Variants in FAM107B observed in about 807,000 individuals in gnomAD.
The protein encoded by FAM107B is family with sequence similarity 107 member B.
A neutral mutation model predicts 31.5 loss-of-function variants in FAM107B; 21 were observed. The ratio of observed to expected loss-of-function variants is 0.67; its 90% CI spans 0.47 to 0.96. FAM107B has a LOEUF of 0.96. FAM107B is among the 40% of genes least tolerant of loss of function. FAM107B has a pLI of 0.00. For synonymous variants in FAM107B, 157 were observed against 141.5 expected (o/e 1.11, Z -0.78); for missense variants, 452 against 377.1 (o/e 1.20, Z -1.64).
At chr10:14,606,833 C>G (rs117150127) in intron 2 of FAM107B, among the ~76,000 whole-genome samples, 1 of 152,170 alleles carries the variant, frequency 6.6e-6, no homozygotes, top group Admixed American at 6.5e-5. Context: ...AGAAACCAAC[C>G]CTACTGCCAT....
intron 2 of FAM107B, among the ~76,000 whole-genome samples, chr10:14,615,092 G>A (rs955487239): frequency 7.9e-5 from 12 of 152,162 alleles, no homozygotes; most frequent in African/African-American, 2.9e-4. Context: ...ACTTTGGGAG[G>A]CCGAGGTGGG....
chr10:14,638,629 G>A (rs923668905), intron 2 of FAM107B, among the ~76,000 whole-genome samples: 1 of 152,008 alleles, frequency 6.6e-6, no homozygotes, highest in African/African-American at 2.4e-5. Context: ...TGCCTTTCAG[G>A]GGATTATTTC....
chr10:14,601,762 A>G (rs190446718), intron 2 of FAM107B, among the ~76,000 whole-genome samples: 18 of 152,358 alleles, frequency 1.2e-4, no homozygotes, highest in African/African-American at 4.3e-4. Flanking sequence ...AAGGGGCAGA[A>G]GGTAAGTTAG....
intron 2 of FAM107B, among the ~76,000 whole-genome samples, chr10:14,648,274 G>C (rs577129133): frequency 6.6e-6 from 1 of 152,256 alleles, no homozygotes; most frequent in South Asian, 2.1e-4. Context: ...TGCTGGGGTC[G>C]AACTGACCAG....
At chr10:14,756,147 CAG>C (rs1261756465) in intron 1 of FAM107B, among the ~76,000 whole-genome samples, 4 of 152,090 alleles carry the variant, frequency 2.6e-5, no homozygotes, top group East Asian at 3.8e-4. Context: ...AAATCAAAAT[CAG>C]GGGGAGCTTT....
intron 2 of FAM107B, among the ~76,000 whole-genome samples, chr10:14,607,963 A>G (rs893982255): frequency 6.6e-6 from 1 of 152,222 alleles, no homozygotes; most frequent in African/African-American, 2.4e-5. Context: ...TAGCTTGGAC[A>G]TCTGGAGATC....
chr10:14,581,887 A>G (rs1851647972), intron 2 of FAM107B, among the ~76,000 whole-genome samples: 1 of 152,226 alleles, frequency 6.6e-6, no homozygotes, highest in Non-Finnish European at 1.5e-5. Flanking sequence ...CAGACTGGGT[A>G]ACAGAGCAAG....
chr10:14,631,905 T>G (rs1336038021), intron 2 of FAM107B, among the ~76,000 whole-genome samples: 1 of 152,146 alleles, frequency 6.6e-6, no homozygotes, highest in African/African-American at 2.4e-5. Context: ...AAGTGACGGC[T>G]TTTATAAGGT....
chr10:14,758,570 G>A (rs113617920), intron 1 of FAM107B, among the ~76,000 whole-genome samples: 47 of 152,266 alleles, frequency 3.1e-4, no homozygotes, highest in African/African-American at 1.1e-3. Context: ...GAGCATCCAA[G>A]AGCAGCGCAG....
intron 2 of FAM107B, among the ~76,000 whole-genome samples, chr10:14,662,258 G>C (rs1205325494): frequency 6.6e-6 from 1 of 152,152 alleles, no homozygotes; most frequent in Non-Finnish European, 1.5e-5. Flanking sequence ...CAGTCGAACG[G>C]AGTCTTCATT....
intron 2 of FAM107B, among the ~76,000 whole-genome samples, chr10:14,605,670 A>T (rs746447198): frequency 4.6e-5 from 7 of 152,216 alleles, no homozygotes; most frequent in Non-Finnish European, 8.8e-5. Context: ...CTGCCAGAGA[A>T]CTTAAAGAAA....
chr10:14,559,960 C>A (rs1298362798), intron 2 of FAM107B, among the ~76,000 whole-genome samples: 4 of 152,126 alleles, frequency 2.6e-5, no homozygotes, highest in Non-Finnish European at 5.9e-5. Context: ...TAAACCTCAA[C>A]CTCCTCCTAA....
chr10:14,645,257 T>C (rs1338651068), intron 2 of FAM107B, among the ~76,000 whole-genome samples: 1 of 152,190 alleles, frequency 6.6e-6, no homozygotes, highest in African/African-American at 2.4e-5. Flanking sequence ...ATTCACTTAT[T>C]TGGCTACAAA....
At chr10:14,691,664 C>T (rs538836380) in intron 1 of FAM107B, among the ~76,000 whole-genome samples, 19 of 152,128 alleles carry the variant, frequency 1.2e-4, no homozygotes, top group East Asian at 9.7e-4. Context: ...GAGGCCAAGG[C>T]GGTTGGATCA....
chr10:14,621,595 T>C (rs1006048752), intron 2 of FAM107B, among the ~76,000 whole-genome samples: 1 of 143,796 alleles, frequency 7.0e-6, no homozygotes, highest in African/African-American at 2.5e-5. Context: ...AATTTTTACC[T>C]TAGTCAGGCT....
Position 14,530,371 on chromosome 10 carries a change from T to G in FAM107B, c.614A>C (p.His205Pro). ...LINPVKTSRN[H>P]QDLHRELLMN... ...AAGAAGTTCTCTGTGAAGATCTTGATGGTTCCGGGAGGTTTTTACAGGATT... is the reference window on the plus strand; with the variant it reads ...AAGAAGTTCTCTGTGAAGATCTTGAGGGTTCCGGGAGGTTTTTACAGGATT... Residue 205 changes from histidine to proline, a missense_variant, in exon 3 of 5, where the codon CAT becomes CCT. By Grantham distance (77) the His-to-Pro change is moderately conservative (BLOSUM62 -2). Coordinates refer to ENST00000181796, the MANE Select transcript of FAM107B (RefSeq NM_031453.4). 1 of 1,614,050 alleles carries G rather than the reference T, an allele frequency of 6.2e-7. No individual in the cohort carries two copies. Among genetic ancestry groups the G allele is most frequent in the Non-Finnish European group, 8.5e-7 (1 of 1,179,996 alleles).
chr10:14,713,229 C>A (rs1855702774), intron 1 of FAM107B, among the ~76,000 whole-genome samples: 1 of 152,184 alleles, frequency 6.6e-6, no homozygotes, highest in South Asian at 2.1e-4. Flanking sequence ...GTTCGTCACC[C>A]TTGACCCAGC....
intron 1 of FAM107B, among the ~76,000 whole-genome samples, chr10:14,762,865 C>T (rs1379606820): frequency 5.9e-5 from 9 of 152,064 alleles, no homozygotes; most frequent in Non-Finnish European, 1.3e-4. Flanking sequence ...TCTTGAACCT[C>T]ATTTGGTCCT....
chr10:14,681,877 A>T (rs1346352806), intron 1 of FAM107B, among the ~76,000 whole-genome samples: 1 of 152,250 alleles, frequency 6.6e-6, no homozygotes, highest in African/African-American at 2.4e-5. Context: ...ACGGAGAGGC[A>T]TTGGTAATAG....
Sources: gnomAD v4.1 joint callset for allele counts (sites outside exome capture counted in the v4.1 genomes callset) on GRCh38, gnomAD v4.1.1 for gene constraint, MANE v1.5 for transcripts, NCBI Gene and HGNC (gene_info 2026-07-23, HGNC 2026-07-21) for gene names.